THADA: variants seen among roughly 807,000 people sequenced by gnomAD.
THADA encodes THADA armadillo repeat containing.
Under a neutral mutation model 219.8 loss-of-function variants are expected in THADA, and 213 were observed. That is an observed-to-expected ratio of 0.97 (90% CI 0.87 to 1.09). THADA has a LOEUF of 1.09. Ranked by LOEUF, THADA falls within the 50% of genes least tolerant of loss-of-function variation. The pLI, the probability that THADA is intolerant of heterozygous loss-of-function variation, is 0.00. For missense variants in THADA, 2,956 were observed against 2,311.3 expected, an observed-to-expected ratio of 1.28 and a Z score of -5.72; for synonymous variants, 1,018 against 828.9, an observed-to-expected ratio of 1.23 and a Z score of -3.92.
rs372908338 is a variant in THADA at position 43,505,749 on chromosome 2, A to G, written c.3508-14T>C. 2.6e-6 allele frequency: 4 copies of G among 1,547,722 alleles called. No individual in the cohort carries two copies. The African/African-American group carries it at 5.4e-5, about 21-fold the overall frequency. On this transcript the variant is annotated splice_polypyrimidine_tract_variant and intron_variant, in intron 23 of 37. Coordinates refer to ENST00000405975, the MANE Select transcript of THADA (RefSeq NM_022065.5). Reference sequence around the variant, plus strand: ...TGCCAACAGTGCCTATGGAAAAAGAATGCAAAAATTAACAGGGTTCTTAGT... The same window carrying G: ...TGCCAACAGTGCCTATGGAAAAAGAGTGCAAAAATTAACAGGGTTCTTAGT...
chr2:43,534,234 A>G (rs921851286), intron 21 of THADA, among the ~76,000 whole-genome samples: 1 of 152,198 alleles, frequency 6.6e-6, no homozygotes, highest in African/African-American at 2.4e-5. Context: ...TGGGGTACAC[A>G]GTAATGTTTC....
At chr2:43,539,599 G>C (rs964397342) in intron 21 of THADA, among the ~76,000 whole-genome samples, 1 of 152,198 alleles carries the variant, frequency 6.6e-6, no homozygotes, top group Non-Finnish European at 1.5e-5. Flanking sequence ...TACATATACA[G>C]TTCATCGCTC....
chr2:43,361,798 T>A (rs1418432611), intron 29 of THADA, among the ~76,000 whole-genome samples: 1 of 152,216 alleles, frequency 6.6e-6, no homozygotes, highest in Non-Finnish European at 1.5e-5. Flanking sequence ...AAGGTTGCCC[T>A]TTTTATCATA....
At chr2:43,278,537 C>T (rs2104304133) in intron 36 of THADA, among the ~76,000 whole-genome samples, 1 of 152,306 alleles carries the variant, frequency 6.6e-6, no homozygotes, top group East Asian at 1.9e-4. Flanking sequence ...TTGGGCAAGT[C>T]TGGCAGGTTG....
At chr2:43,584,684 C>T (rs1700824014) in intron 7 of THADA, among the ~76,000 whole-genome samples, 1 of 152,198 alleles carries the variant, frequency 6.6e-6, no homozygotes. Context: ...TGATAACTGA[C>T]AGCAGAATCA....
Position 43,291,768 on chromosome 2 carries a change from T to C in THADA, c.4938A>G (p.Arg1646=). The C allele has an allele frequency of 6.5e-7, 1 of 1,543,252 alleles. No homozygotes were observed. The highest frequency in any genetic ancestry group is 8.8e-7 in the Non-Finnish European group (1 of 1,142,774). The change falls in exon 34 of 38, where the codon AGA becomes AGG. Residue 1646 remains arginine, a splice_region_variant and synonymous_variant. Coordinates refer to ENST00000405975, the MANE Select transcript of THADA (RefSeq NM_022065.5). ...IWTMDIASNE[R]SEIQSVALRL... is the part of the protein sequence containing the mutation. ...TCAGAGCTACACTCTGAATTTCAGATCTAGAAAAATAAACAAACAAAAAAA... is the reference window on the plus strand; with the variant it reads ...TCAGAGCTACACTCTGAATTTCAGACCTAGAAAAATAAACAAACAAAAAAA...
intron 30 of THADA, among the ~76,000 whole-genome samples, chr2:43,334,334 T>C (rs1666144275): frequency 6.6e-6 from 1 of 152,094 alleles, no homozygotes; most frequent in African/African-American, 2.4e-5. Flanking sequence ...GAAGGGCACT[T>C]ACAGGAAAGC....
At chr2:43,404,720 A>G (rs1040043580) in intron 28 of THADA, among the ~76,000 whole-genome samples, 3 of 152,168 alleles carry the variant, frequency 2.0e-5, no homozygotes, top group African/African-American at 7.2e-5. Flanking sequence ...CACAGAGCGC[A>G]TAGGACAGGG....
chr2:43,570,106 T>G (rs531723525), intron 14 of THADA, among the ~76,000 whole-genome samples: 1 of 152,338 alleles, frequency 6.6e-6, no homozygotes, highest in South Asian at 2.1e-4. Flanking sequence ...ATTACCCTTC[T>G]GTTAAAAGTA....
At chr2:43,329,588 G>A (rs994662704) in intron 30 of THADA, among the ~76,000 whole-genome samples, 2 of 152,118 alleles carry the variant, frequency 1.3e-5, no homozygotes, top group Non-Finnish European at 2.9e-5. Context: ...TCTTAAGAAG[G>A]AAGAAAAATA....
intron 36 of THADA, among the ~76,000 whole-genome samples, chr2:43,262,013 C>A (rs910350110): frequency 1.3e-5 from 2 of 152,206 alleles, no homozygotes; most frequent in Non-Finnish European, 2.9e-5. Context: ...CTCAGGTGAT[C>A]CACCCGCCTC....
chr2:43,430,407 TAATTA>T (rs1679086928), intron 26 of THADA, 105 bp from the exon 27 acceptor site: 1 of 607,446 alleles, frequency 1.6e-6, no homozygotes, highest in South Asian at 2.4e-5. Flanking sequence ...TTTGGATATT[TAATTA>T]AATACAGTTA....
intron 15 of THADA, chr2:43,563,156 T>G (rs1698272465): frequency 6.6e-6 from 1 of 152,236 alleles, no homozygotes; most frequent in South Asian, 2.1e-4. Context: ...TGGTTATTAA[T>G]TCAAGATCTT....
intron 31 of THADA, among the ~76,000 whole-genome samples, chr2:43,299,920 C>G (rs555020224): frequency 6.6e-6 from 1 of 151,276 alleles, no homozygotes; most frequent in African/African-American, 2.4e-5. Context: ...CCCAGCTACT[C>G]CGGAGGCTGA....
intron 26 of THADA, among the ~76,000 whole-genome samples, chr2:43,448,539 G>A (rs1205866038): frequency 6.8e-6 from 1 of 146,446 alleles, no homozygotes; most frequent in Non-Finnish European, 1.5e-5. Flanking sequence ...AATTTAAAGG[G>A]CAATTCACTT....
At chr2:43,285,110 C>CT (rs1267879735) in intron 35 of THADA, among the ~76,000 whole-genome samples, 4 of 152,176 alleles carry the variant, frequency 2.6e-5, no homozygotes, top group African/African-American at 9.6e-5. Flanking sequence ...TCAGATAAGA[C>CT]TTTGGACTGT....
At chr2:43,539,063 T>C (rs1000266704) in intron 21 of THADA, among the ~76,000 whole-genome samples, 2 of 152,230 alleles carry the variant, frequency 1.3e-5, no homozygotes, top group Non-Finnish European at 2.9e-5. Flanking sequence ...TCTTCATCCA[T>C]TGAGAGAAAA....
chr2:43,245,872 T>G (rs1220178308), intron 36 of THADA, among the ~76,000 whole-genome samples: 1 of 152,028 alleles, frequency 6.6e-6, no homozygotes, highest in Non-Finnish European at 1.5e-5. Flanking sequence ...AAGATAATGT[T>G]TCTCTCTTGA....
Position 43,473,940 on chromosome 2 carries a change from G to A in THADA, c.3836+11294C>T, listed in dbSNP as rs112568481. On this transcript the variant is annotated intron_variant, in intron 26 of 37. Transcript: ENST00000405975. ...TGACTTTTATACAACTGACAGCACA[G>A]CAGAGGTAGGTTTTACACCAGCATC... Among the ~76,000 whole-genome samples the A allele has an allele frequency of 1.4e-4, 21 of 152,150 alleles. No homozygotes were observed. The Middle Eastern group carries it at 0.01, about 74-fold the overall frequency.
Sources: gnomAD v4.1 joint callset for allele counts (sites outside exome capture counted in the v4.1 genomes callset) on GRCh38, gnomAD v4.1.1 for gene constraint, MANE v1.5 for transcripts, NCBI Gene and HGNC (gene_info 2026-07-23, HGNC 2026-07-21) for gene names.